Variants in ENPP6 observed in about 807,000 individuals in gnomAD.
ENPP6 encodes the protein glycerophosphocholine cholinephosphodiesterase ENPP6.
Under a neutral mutation model 42.0 loss-of-function variants are expected in ENPP6, and 32 were observed. The observed-to-expected ratio is 0.76, with a 90% CI of 0.58 to 1.02. The LOEUF (loss-of-function observed/expected upper bound fraction) is 1.02. Ranked by LOEUF, ENPP6 falls within the 50% of genes least tolerant of loss-of-function variation. The pLI is 0.00. For missense variants in ENPP6, 552 were observed against 566.8 expected (o/e 0.97, Z 0.27); for synonymous variants, 213 against 216.0 (o/e 0.99, Z 0.12).
intron 6 of ENPP6, among the ~76,000 whole-genome samples, chr4:184,097,626 T>C (rs1311150677): frequency 6.6e-6 from 1 of 152,226 alleles, no homozygotes; most frequent in African/African-American, 2.4e-5. Context: ...TAATCAGTTT[T>C]AGAGCCACTA....
chr4:184,197,071 T>C (rs959784271), intron 1 of ENPP6, among the ~76,000 whole-genome samples: 1 of 152,216 alleles, frequency 6.6e-6, no homozygotes, highest in Non-Finnish European at 1.5e-5. Flanking sequence ...TGAGAGTGAA[T>C]TCCTTGGAAT....
intron 1 of ENPP6, among the ~76,000 whole-genome samples, chr4:184,209,370 C>T (rs1241940770): frequency 6.7e-6 from 1 of 148,992 alleles, no homozygotes; most frequent in African/African-American, 2.5e-5. Flanking sequence ...ACTAGAATAA[C>T]CAATACAGAG....
rs1185096732 is a variant in ENPP6 at position 184,208,929 on chromosome 4, C to G, written c.241+8650G>C. Among the ~76,000 whole-genome samples, 13 of 144,462 alleles carry G rather than the reference C, an allele frequency of 9.0e-5. No individual in the cohort carries two copies. In the East Asian group the frequency reaches 1.4e-3, roughly 15 times the overall value. 94.8% of individuals were successfully genotyped at this position (144,462 alleles called of 152,430 possible). On this transcript the variant is annotated intron_variant, in intron 1 of 7. Coordinates refer to ENST00000296741, the MANE Select transcript of ENPP6 (RefSeq NM_153343.4). ...GCCTCCTCAAGTGGGTCCCTGACCC[C>G]TGACCCCCGAGCAGCCTAACTGGGA...
At chr4:184,178,237 A>G (rs1042334430) in intron 1 of ENPP6, among the ~76,000 whole-genome samples, 3 of 152,130 alleles carry the variant, frequency 2.0e-5, no homozygotes, top group African/African-American at 7.2e-5. Flanking sequence ...ACAAGTATCA[A>G]TAGCCAAGCA....
At chr4:184,199,071 A>G (rs1732850548) in intron 1 of ENPP6, among the ~76,000 whole-genome samples, 1 of 152,224 alleles carries the variant, frequency 6.6e-6, no homozygotes, top group Non-Finnish European at 1.5e-5. Context: ...CCAGAGACCA[A>G]GGGAACACGC....
At chr4:184,141,771 A>C (rs1223338804) in intron 2 of ENPP6, among the ~76,000 whole-genome samples, 3 of 152,208 alleles carry the variant, frequency 2.0e-5, no homozygotes. Flanking sequence ...GTGCAAAATA[A>C]TAATAATAAT....
chr4:184,138,529 C>A (rs542132505), intron 2 of ENPP6, among the ~76,000 whole-genome samples: 3 of 152,252 alleles, frequency 2.0e-5, no homozygotes, highest in South Asian at 2.1e-4. Flanking sequence ...ATTTATATAC[C>A]ATGTCAATGC....
chr4:184,110,535 C>A (rs1247358516), intron 6 of ENPP6, among the ~76,000 whole-genome samples: 3 of 152,234 alleles, frequency 2.0e-5, no homozygotes, highest in Non-Finnish European at 4.4e-5. Context: ...AAACCTGAGT[C>A]TGGCCCTGGC....
chr4:184,206,251 A>ATTC (rs752341794), intron 1 of ENPP6, among the ~76,000 whole-genome samples: 1,105 of 93,380 alleles, frequency 0.012, 75 homozygotes, highest in East Asian at 0.019. Context: ...GGAAGCTTGA[A>ATTC]TTTTTTTTTT....
At chr4:184,190,281 G>T (rs1042396258) in intron 1 of ENPP6, among the ~76,000 whole-genome samples, 5 of 152,188 alleles carry the variant, frequency 3.3e-5, no homozygotes, top group Admixed American at 1.3e-4. Flanking sequence ...TTTAAGTATG[G>T]TGCCTTCTTG....
intron 1 of ENPP6, among the ~76,000 whole-genome samples, chr4:184,213,803 C>T (rs1215776631): frequency 2.4e-3 from 350 of 144,126 alleles, no homozygotes; most frequent in African/African-American, 7.9e-3. Context: ...ATGTTTATTG[C>T]GGCATTATTC....
intron 2 of ENPP6, among the ~76,000 whole-genome samples, chr4:184,134,520 T>A (rs1202856240): frequency 6.6e-6 from 1 of 152,200 alleles, no homozygotes; most frequent in Non-Finnish European, 1.5e-5. Flanking sequence ...TACATTGGTG[T>A]AACATTTTCA....
chr4:184,151,117 C>T (rs1737017451), intron 2 of ENPP6, among the ~76,000 whole-genome samples: 2 of 152,208 alleles, frequency 1.3e-5, no homozygotes, highest in Non-Finnish European at 2.9e-5. Flanking sequence ...GTGGGTGGAT[C>T]ACCTGAGGTC....
chr4:184,188,161 A>G (rs1207384024), intron 1 of ENPP6, among the ~76,000 whole-genome samples: 8 of 152,156 alleles, frequency 5.3e-5, no homozygotes. Flanking sequence ...AACATGGCCC[A>G]TGGGTTGAAC....
chr4:184,106,250 G>A (rs1472164181), intron 6 of ENPP6, among the ~76,000 whole-genome samples: 3 of 151,806 alleles, frequency 2.0e-5, no homozygotes, highest in Non-Finnish European at 4.4e-5. Context: ...GGCCAGGCTG[G>A]TCTCGAAATC....
intron 2 of ENPP6, among the ~76,000 whole-genome samples, chr4:184,151,897 G>A (rs1364098264): frequency 1.3e-5 from 2 of 152,274 alleles, no homozygotes; most frequent in East Asian, 1.9e-4. Context: ...CCAACTCCAC[G>A]AAAAGTTATC....
chr4:184,146,874 C>T (rs903676162), intron 2 of ENPP6, among the ~76,000 whole-genome samples: 1 of 152,210 alleles, frequency 6.6e-6, no homozygotes, highest in African/African-American at 2.4e-5. Context: ...TCACCCTCCT[C>T]CATCTGGTTA....
At position 184,179,529 on chromosome 4, in the gene ENPP6, A is replaced by G. The variant is rs142686306; in HGVS notation, c.242-25796T>C. Reference sequence around the variant, plus strand: ...TCGAGTGGACCTGATAGATATCTACAGAACTTTCCACTCAAAAACAACAGA... The same window carrying G: ...TCGAGTGGACCTGATAGATATCTACGGAACTTTCCACTCAAAAACAACAGA... On this transcript the variant is annotated intron_variant, in intron 1 of 7. Coordinates refer to ENST00000296741, the MANE Select transcript of ENPP6 (RefSeq NM_153343.4). Among the ~76,000 whole-genome samples, 144 of 152,372 alleles carry G rather than the reference A, an allele frequency of 9.5e-4. 1 individual carries two copies. The highest frequency in any genetic ancestry group is 2.9e-3 in the African/African-American group (121 of 41,590).
intron 2 of ENPP6, among the ~76,000 whole-genome samples, chr4:184,153,158 T>C (rs1050166129): frequency 1.3e-5 from 2 of 150,042 alleles, no homozygotes; most frequent in Non-Finnish European, 3.0e-5. Flanking sequence ...TGAGTTTTGC[T>C]CTTGTTGCCC....
Sources: gnomAD v4.1 joint callset for allele counts (sites outside exome capture counted in the v4.1 genomes callset) on GRCh38, gnomAD v4.1.1 for gene constraint, MANE v1.5 for transcripts, NCBI Gene and HGNC (gene_info 2026-07-23, HGNC 2026-07-21) for gene names.